SLCO5A1: variants seen among roughly 807,000 people sequenced by gnomAD.
The protein encoded by SLCO5A1 is organic anion transporter polypeptide-related protein 4.
In SLCO5A1, 39 loss-of-function variants were observed where a neutral mutation model predicts 65.1. That is an observed-to-expected ratio of 0.60 (90% CI 0.46 to 0.78). The LOEUF (loss-of-function observed/expected upper bound fraction) is 0.78, where lower values mean the gene tolerates loss of function less well. Ranked by LOEUF, SLCO5A1 falls within the 30% of genes least tolerant of loss-of-function variation. The probability of loss-of-function intolerance (pLI) is 0.00; values close to 1 mark genes in which losing one functional copy is unlikely to be tolerated. For synonymous variants in SLCO5A1, 438 were observed against 415.7 expected (o/e 1.05, Z -0.65); for missense variants, 1,029 against 1,069.4 (o/e 0.96, Z 0.53).
chr8:69,751,602 C>T (rs1345817301), intron 4 of SLCO5A1, among the ~76,000 whole-genome samples: 1 of 150,962 alleles, frequency 6.6e-6, no homozygotes, highest in Non-Finnish European at 1.5e-5. Context: ...GGCTTGAGTG[C>T]AGTGGCACAA....
Position 69,745,267 on chromosome 8 carries a change from C to G in SLCO5A1, c.1259-7063G>C, listed in dbSNP as rs139533802. Reference sequence around the variant, plus strand: ...TCTGATTAGTTTTTTTTTCTGGTTGCAAGAAAATTCCTTCCCCAGGATGTG... The same window carrying G: ...TCTGATTAGTTTTTTTTTCTGGTTGGAAGAAAATTCCTTCCCCAGGATGTG... On this transcript the variant is annotated intron_variant, in intron 4 of 9. Transcript: ENST00000260126. 7.4e-3 allele frequency among the ~76,000 whole-genome samples: 1,122 copies of G among 151,692 alleles called. 15 individuals carry two copies. Among genetic ancestry groups the G allele is most frequent in the African/African-American group, 0.026 (1,069 of 41,362 alleles).
chr8:69,761,074 A>G (rs1446607919), intron 3 of SLCO5A1, among the ~76,000 whole-genome samples: 1 of 152,194 alleles, frequency 6.6e-6, no homozygotes, highest in Non-Finnish European at 1.5e-5. Context: ...AGGTATGATT[A>G]AAGTCAGCAG....
At chr8:69,794,042 G>A (rs1819386489) in intron 2 of SLCO5A1, 1 of 189,988 alleles carries the variant, frequency 5.3e-6, no homozygotes, top group East Asian at 1.7e-4. Flanking sequence ...CCTCACTTGT[G>A]AGGTGGGCAA....
chr8:69,821,569 G>C (rs568477672), intron 2 of SLCO5A1, among the ~76,000 whole-genome samples: 1 of 152,234 alleles, frequency 6.6e-6, no homozygotes, highest in African/African-American at 2.4e-5. Flanking sequence ...AGCACTTTGG[G>C]AGGCTGAGGA....
intron 6 of SLCO5A1, among the ~76,000 whole-genome samples, chr8:69,688,782 G>A (rs1814111909): frequency 6.6e-6 from 1 of 152,058 alleles, no homozygotes; most frequent in Non-Finnish European, 1.5e-5. Context: ...ATTGTGAATA[G>A]TCCCGCAATA....
intron 5 of SLCO5A1, among the ~76,000 whole-genome samples, chr8:69,715,323 C>T (rs1000201957): frequency 1.3e-5 from 2 of 152,188 alleles, no homozygotes; most frequent in Non-Finnish European, 1.5e-5. Flanking sequence ...AAGCCTCAAA[C>T]GACGTTGGTA....
At chr8:69,821,495 AAAGAAG>A (rs938241471) in intron 2 of SLCO5A1, among the ~76,000 whole-genome samples, 3 of 151,928 alleles carry the variant, frequency 2.0e-5, no homozygotes, top group African/African-American at 4.8e-5. Flanking sequence ...AAGAAGAAGA[AAAGAAG>A]AAGAAGAAGA....
intron 2 of SLCO5A1, among the ~76,000 whole-genome samples, chr8:69,770,756 C>A (rs937456394): frequency 2.0e-5 from 3 of 152,144 alleles, no homozygotes; most frequent in Admixed American, 6.5e-5. Context: ...CCTCACTGCC[C>A]CCGCCAGTGT....
At chr8:69,752,270 CA>C (rs1278741657) in intron 4 of SLCO5A1, among the ~76,000 whole-genome samples, 1 of 151,736 alleles carries the variant, frequency 6.6e-6, no homozygotes, top group African/African-American at 2.4e-5. Flanking sequence ...AAATTAAGAC[CA>C]AAAGAAGCCC....
chr8:69,678,541 T>C (rs886403337), intron 8 of SLCO5A1, among the ~76,000 whole-genome samples: 3 of 152,208 alleles, frequency 2.0e-5, no homozygotes, highest in Admixed American at 6.5e-5. Context: ...TAAGCTCTAA[T>C]AAACTTTGTA....
At chr8:69,741,075 G>T (rs934895887) in intron 4 of SLCO5A1, among the ~76,000 whole-genome samples, 1 of 152,272 alleles carries the variant, frequency 6.6e-6, no homozygotes, top group East Asian at 1.9e-4. Flanking sequence ...TCTTGTTTCT[G>T]CTGTCATATT....
rs141633279 is a variant in SLCO5A1, at chr8:69,832,419, G to A, written c.255C>T (p.Ala85=). The stretch of plus-strand genomic sequence containing the variant: ...CCCCGAGCCCCGCCGAAGTGGACGG[G>A]GCAGAGGGACTGGGGGCCAACGGGT... The part of the protein sequence containing the change: ...GPNPLAPSPS[A]PSTSAGLGDC... Residue 85 remains alanine, a synonymous_variant, in exon 2 of 10, where the codon GCC becomes GCT. Transcript: ENST00000260126. This position sits in a 1 kb window ranked among gnomAD's most constrained non-coding sequence, Gnocchi z 4.5. The A allele has an allele frequency of 3.8e-4, 607 of 1,613,064 alleles. 3 individuals carry two copies. In the African/African-American group the frequency reaches 7.5e-3, roughly 20 times the overall value.
intron 2 of SLCO5A1, among the ~76,000 whole-genome samples, chr8:69,827,019 T>C (rs1247802220): frequency 1.3e-5 from 2 of 151,706 alleles, no homozygotes; most frequent in African/African-American, 2.4e-5. Context: ...AAGCTGGAAA[T>C]CATCATTCTC....
At chr8:69,807,272 A>G (rs554979124) in intron 2 of SLCO5A1, among the ~76,000 whole-genome samples, 85 of 152,350 alleles carry the variant, frequency 5.6e-4, no homozygotes, top group African/African-American at 2.0e-3. Flanking sequence ...TGATGTTTCA[A>G]TGGATGTACA....
At chr8:69,730,683 G>C (rs934936026) in intron 5 of SLCO5A1, among the ~76,000 whole-genome samples, 2 of 152,176 alleles carry the variant, frequency 1.3e-5, no homozygotes, top group African/African-American at 4.8e-5. Flanking sequence ...TGGGTCCTAA[G>C]TGGTTGAGGA....
intron 2 of SLCO5A1, among the ~76,000 whole-genome samples, chr8:69,766,870 C>A (rs916472018): frequency 6.6e-6 from 1 of 152,186 alleles, no homozygotes; most frequent in Non-Finnish European, 1.5e-5. Flanking sequence ...AGGCACACAG[C>A]CCTCTGCACT....
intron 2 of SLCO5A1, among the ~76,000 whole-genome samples, chr8:69,783,394 A>C (rs1818884133): frequency 1.3e-5 from 2 of 152,098 alleles, no homozygotes; most frequent in South Asian, 4.1e-4. Context: ...CTTATTTCAC[A>C]TTGCATGCCT....
rs143296278 is a variant in SLCO5A1 at position 69,819,322 on chromosome 8, G to A, written c.907+12445C>T. Among the ~76,000 whole-genome samples the A allele has an allele frequency of 3.1e-3, 469 of 151,786 alleles. 1 individual carries two copies. The highest frequency in any genetic ancestry group is 9.0e-3 in the African/African-American group (374 of 41,348). The stretch of plus-strand genomic sequence containing the variant: ...GCTCATTCCTGGCATAAGTACCACC[G>A]AGACACCACCGCCACCCCCTACTCC... On this transcript the variant is annotated intron_variant, in intron 2 of 9. Coordinates refer to ENST00000260126, the MANE Select transcript of SLCO5A1 (RefSeq NM_030958.3).
chr8:69,718,551 G>A (rs1157351497), intron 5 of SLCO5A1, among the ~76,000 whole-genome samples: 2 of 152,118 alleles, frequency 1.3e-5, no homozygotes, highest in African/African-American at 4.8e-5. Context: ...TTATCACATT[G>A]TGTTTTTAAT....
Sources: gnomAD v4.1 joint callset for allele counts (sites outside exome capture counted in the v4.1 genomes callset) on GRCh38, gnomAD v4.1.1 for gene constraint, Gnocchi (gnomAD v3.1) non-coding constraint, MANE v1.5 for transcripts, NCBI Gene and HGNC (gene_info 2026-07-23, HGNC 2026-07-21) for gene names.